Variants in SLC39A11 observed in about 807,000 individuals in gnomAD.
SLC39A11 encodes solute carrier family 39 member 11.
SLC39A11 carries 33 observed loss-of-function variants against 36.1 expected under a neutral mutation model. The ratio of observed to expected loss-of-function variants is 0.91; its 90% CI spans 0.69 to 1.22. The LOEUF (loss-of-function observed/expected upper bound fraction) is 1.22, where lower values mean the gene tolerates loss of function less well. Among genes scored for constraint, SLC39A11 ranks in the 50% most tolerant of loss-of-function variants. SLC39A11 has a pLI of 0.00. For synonymous variants in SLC39A11, 166 were observed against 170.3 expected, an observed-to-expected ratio of 0.97 and a Z score of 0.20; for missense variants, 432 against 430.3, an observed-to-expected ratio of 1.00 and a Z score of -0.03.
chr17:72,752,906 A>C (rs1340740543), intron 6 of SLC39A11, among the ~76,000 whole-genome samples: 2 of 152,072 alleles, frequency 1.3e-5, no homozygotes, highest in Non-Finnish European at 2.9e-5. Context: ...CCCGGGCTGG[A>C]GTGCAATGGT....
chr17:72,875,183 A>G (rs1479495904), intron 5 of SLC39A11, among the ~76,000 whole-genome samples: 1 of 152,240 alleles, frequency 6.6e-6, no homozygotes, highest in African/African-American at 2.4e-5. Context: ...AAATGTAAGG[A>G]AGTGAGCTGT....
intron 6 of SLC39A11, among the ~76,000 whole-genome samples, chr17:72,818,571 T>C (rs959586459): frequency 2.6e-5 from 4 of 152,212 alleles, no homozygotes; most frequent in African/African-American, 9.6e-5. Flanking sequence ...ATGTTCTTTT[T>C]CCCACTTCTG....
At chr17:72,669,124 T>C (rs1267257428) in intron 7 of SLC39A11, among the ~76,000 whole-genome samples, 1 of 152,232 alleles carries the variant, frequency 6.6e-6, no homozygotes, top group African/African-American at 2.4e-5. Flanking sequence ...GGGATAACCA[T>C]ATTGTAGTTA....
rs188785830 is a variant in SLC39A11 at position 72,821,445 on chromosome 17, G to A, written c.601+28189C>T. Among the ~76,000 whole-genome samples, 58 of 142,230 alleles carry A rather than the reference G, an allele frequency of 4.1e-4. 1 individual carries two copies. The highest frequency in any genetic ancestry group is 1.4e-3 in the African/African-American group (56 of 38,746). 93.3% of individuals were successfully genotyped at this position (142,230 alleles called of 152,430 possible). ...CGATTGAACTCAGGAGGCGGAGGTTGTGGTGAGCCAAGATTGTACCACTGC... is the reference window on the plus strand; with the variant it reads ...CGATTGAACTCAGGAGGCGGAGGTTATGGTGAGCCAAGATTGTACCACTGC... On this transcript the variant is annotated intron_variant, in intron 6 of 9. Transcript: ENST00000255559.
intron 5 of SLC39A11, among the ~76,000 whole-genome samples, chr17:72,902,152 T>C (rs974145212): frequency 6.6e-6 from 1 of 151,986 alleles, no homozygotes; most frequent in Non-Finnish European, 1.5e-5. Context: ...ACGCCTGTAA[T>C]CCCAGCTACT....
chr17:72,875,675 G>T (rs115528803), intron 5 of SLC39A11, among the ~76,000 whole-genome samples: 1 of 152,114 alleles, frequency 6.6e-6, no homozygotes, highest in Non-Finnish European at 1.5e-5. Flanking sequence ...ACTTATTAAC[G>T]ATGATCTAAT....
chr17:72,647,588 C>A lies in SLC39A11; in HGVS notation c.1004G>T (p.Gly335Val). The change falls in exon 10 of 10, where the codon GGC (glycine) becomes GTC (valine). Residue 335 changes from glycine (G) to valine (V), a missense_variant. Physicochemically the swap from Gly to Val is moderately radical, Grantham distance 109. Transcript: ENST00000255559. ...GGGGTCCGAAGCGTCTCAGCCCTAG[C>A]CCAGGCCAACGTCCAGTGACATCAT... ...VVMMSLDVGLG is the reference protein window; with the variant it reads ...VVMMSLDVGLV 1 of 1,613,698 alleles carries A rather than the reference C, an allele frequency of 6.2e-7. No homozygotes were observed. The highest frequency in any genetic ancestry group is 8.5e-7 in the Non-Finnish European group (1 of 1,179,834).
At chr17:72,947,709 G>T (rs781254763) in intron 5 of SLC39A11, 43 bp downstream of exon 5, 3 of 1,612,368 alleles carry the variant, frequency 1.9e-6, no homozygotes, top group African/African-American at 2.7e-5. Flanking sequence ...ACTCAGCTCA[G>T]TGTCTGCAGC....
intron 5 of SLC39A11, among the ~76,000 whole-genome samples, chr17:72,891,200 T>A (rs1205631928): frequency 6.6e-6 from 1 of 152,132 alleles, no homozygotes; most frequent in East Asian, 1.9e-4. Context: ...GGTGAGTGGA[T>A]CACCCGAGGT....
chr17:72,866,332 G>A (rs1350851407), intron 5 of SLC39A11, among the ~76,000 whole-genome samples: 2 of 152,126 alleles, frequency 1.3e-5, no homozygotes, highest in Non-Finnish European at 2.9e-5. Flanking sequence ...TTAGTTGCAG[G>A]AAAACAAGCT....
At chr17:72,990,658 C>T (rs1023684013) in intron 4 of SLC39A11, among the ~76,000 whole-genome samples, 6 of 152,130 alleles carry the variant, frequency 3.9e-5, no homozygotes, top group Admixed American at 1.3e-4. Flanking sequence ...AAACTCCTGA[C>T]CTCAAGTGAT....
intron 5 of SLC39A11, among the ~76,000 whole-genome samples, chr17:72,908,522 C>T (rs1016123854): frequency 6.6e-6 from 1 of 152,224 alleles, no homozygotes; most frequent in Non-Finnish European, 1.5e-5. Flanking sequence ...GGCAGGAGAA[C>T]TGTCCAGAGA....
chr17:73,003,734 A>G lies in SLC39A11; in HGVS notation c.306+27822T>C, dbSNP rs867389511. On this transcript the variant is annotated intron_variant, in intron 4 of 9. Transcript: ENST00000255559. ...GCAAGGGACAAAGAAGGCCTGAGTCACCAAGATCCGGGATAATCACTATAG... is the reference window on the plus strand; with the variant it reads ...GCAAGGGACAAAGAAGGCCTGAGTCGCCAAGATCCGGGATAATCACTATAG... 3.1e-4 allele frequency among the ~76,000 whole-genome samples: 47 copies of G among 152,260 alleles called. 1 individual carries two copies. The Middle Eastern group carries it at 0.02, about 66-fold the overall frequency.
At chr17:72,954,186 C>T (rs2086081594) in intron 4 of SLC39A11, among the ~76,000 whole-genome samples, 1 of 152,164 alleles carries the variant, frequency 6.6e-6, no homozygotes, top group South Asian at 2.1e-4. Context: ...GCTGGGATTA[C>T]AGGTGCCCGC....
chr17:73,061,852 C>T (rs942347477), intron 3 of SLC39A11, among the ~76,000 whole-genome samples: 8 of 151,904 alleles, frequency 5.3e-5, no homozygotes, highest in Admixed American at 5.2e-4. Flanking sequence ...GAAAATTAGC[C>T]GGGTGTAGTG....
chr17:72,775,507 G>A (rs1361246793), intron 6 of SLC39A11, among the ~76,000 whole-genome samples: 1 of 152,188 alleles, frequency 6.6e-6, no homozygotes, highest in Non-Finnish European at 1.5e-5. Flanking sequence ...GTAGAAAGCC[G>A]AGCTAACAAA....
intron 5 of SLC39A11, among the ~76,000 whole-genome samples, chr17:72,936,978 C>A (rs542355822): frequency 2.0e-5 from 3 of 152,206 alleles, no homozygotes; most frequent in Admixed American, 6.5e-5. Flanking sequence ...TCCTAACAGG[C>A]CACAGACCCA....
intron 3 of SLC39A11, among the ~76,000 whole-genome samples, chr17:73,048,682 G>A (rs1313606853): frequency 6.6e-6 from 1 of 152,120 alleles, no homozygotes; most frequent in Non-Finnish European, 1.5e-5. Flanking sequence ...ACCTCCTGAG[G>A]TGGAGCTTAT....
rs775449496 is a variant in SLC39A11 at position 72,647,553 on chromosome 17, G to T, written c.*31C>A. ...GCCAACCACTGCTGTTTCTTCGTATGGCCTTTCCCGGGGTCCGAAGCGTCT... is the reference window on the plus strand; with the variant it reads ...GCCAACCACTGCTGTTTCTTCGTATTGCCTTTCCCGGGGTCCGAAGCGTCT... On this transcript the variant is annotated 3_prime_UTR_variant, in exon 10 of 10. Transcript: ENST00000255559. 3 of 1,598,042 alleles carry T rather than the reference G, an allele frequency of 1.9e-6. No individual in the cohort carries two copies. In the Admixed American group the frequency reaches 5.1e-5, roughly 27 times the overall value.
Sources: gnomAD v4.1 joint callset for allele counts (sites outside exome capture counted in the v4.1 genomes callset) on GRCh38, gnomAD v4.1.1 for gene constraint, MANE v1.5 for transcripts, NCBI Gene and HGNC (gene_info 2026-07-23, HGNC 2026-07-21) for gene names.